Variants in FGF12 observed in about 807,000 individuals in gnomAD.
FGF12 encodes fibroblast growth factor 12.
A neutral mutation model predicts 23.6 loss-of-function variants in FGF12; 14 were observed. The ratio of observed to expected loss-of-function variants is 0.59; its 90% CI spans 0.39 to 0.93. The LOEUF is 0.93. FGF12 is among the 40% of genes least tolerant of loss of function. The pLI is 0.00. For synonymous variants in FGF12, 62 were observed against 77.3 expected, an observed-to-expected ratio of 0.80 and a Z score of 1.04; for missense variants, 175 against 217.8, an observed-to-expected ratio of 0.80 and a Z score of 1.24.
intron 2 of FGF12, among the ~76,000 whole-genome samples, chr3:192,549,262 G>T (rs1416761435): frequency 6.6e-6 from 1 of 152,058 alleles, no homozygotes; most frequent in East Asian, 1.9e-4. Context: ...CTAAACGATG[G>T]CAAATGCAGT....
At chr3:192,162,153 A>C (rs1436465541) in intron 5 of FGF12, among the ~76,000 whole-genome samples, 1 of 152,140 alleles carries the variant, frequency 6.6e-6, no homozygotes, top group African/African-American at 2.4e-5. Flanking sequence ...TAGTTAATGC[A>C]CCATTGAAGA....
intron 2 of FGF12, among the ~76,000 whole-genome samples, chr3:192,667,564 C>T (rs1577109753): frequency 7.1e-6 from 1 of 140,834 alleles, no homozygotes; most frequent in African/African-American, 2.7e-5. Context: ...GAGCCGAGAT[C>T]GCTGCCACTG....
At chr3:192,361,990 T>C (rs1718749180) in intron 2 of FGF12, among the ~76,000 whole-genome samples, 1 of 152,208 alleles carries the variant, frequency 6.6e-6, no homozygotes, top group Non-Finnish European at 1.5e-5. Context: ...ATAAATTCCG[T>C]TTTTTAAATT....
At chr3:192,596,783 G>C (rs1241450972) in intron 2 of FGF12, among the ~76,000 whole-genome samples, 3 of 152,176 alleles carry the variant, frequency 2.0e-5, no homozygotes, top group African/African-American at 7.2e-5. Context: ...TTTACACACG[G>C]CAGCTTTGCA....
intron 2 of FGF12, among the ~76,000 whole-genome samples, chr3:192,387,600 C>A (rs1336547022): frequency 6.6e-6 from 1 of 151,830 alleles, no homozygotes; most frequent in South Asian, 2.1e-4. Flanking sequence ...GTAATCCCAG[C>A]ACTTTAGGAG....
chr3:192,437,181 G>A lies in FGF12; in HGVS notation c.14-76643C>T, dbSNP rs189052992. Among the ~76,000 whole-genome samples, 316 of 152,220 alleles carry A rather than the reference G, an allele frequency of 2.1e-3. 1 individual carries two copies. The highest frequency in any genetic ancestry group is 3.5e-3 in the Non-Finnish European group (235 of 68,020). ...AAAATGGAGGAAATAAAAGGCTAGC[G>A]ACTAGAGGAAGTGCCTGTGATAGGA... On this transcript the variant is annotated intron_variant, in intron 2 of 5. Coordinates refer to ENST00000445105, the MANE Select transcript of FGF12 (RefSeq NM_004113.6).
chr3:192,549,628 T>A (rs1019546266), intron 2 of FGF12, among the ~76,000 whole-genome samples: 3 of 152,170 alleles, frequency 2.0e-5, no homozygotes, highest in East Asian at 3.9e-4. Flanking sequence ...TGTTTCTAGA[T>A]GAGACTCACA....
At chr3:192,662,540 AG>A (rs760130386) in intron 2 of FGF12, among the ~76,000 whole-genome samples, 1 of 152,186 alleles carries the variant, frequency 6.6e-6, no homozygotes, top group Non-Finnish European at 1.5e-5. Flanking sequence ...TCCATAGGCT[AG>A]GAGGTCTGAC....
At chr3:192,307,618 A>G (rs1341258943) in intron 4 of FGF12, among the ~76,000 whole-genome samples, 1 of 152,230 alleles carries the variant, frequency 6.6e-6, no homozygotes, top group African/African-American at 2.4e-5. Context: ...ATAACAGTTT[A>G]CTGTTAGGGG....
chr3:192,472,207 G>A lies in FGF12; in HGVS notation c.14-111669C>T, dbSNP rs371880744. Among the ~76,000 whole-genome samples, 305 of 152,122 alleles carry A rather than the reference G, an allele frequency of 2.0e-3. 1 individual carries two copies. The highest frequency in any genetic ancestry group is 3.4e-3 in the Middle Eastern group (1 of 294). On this transcript the variant is annotated intron_variant, in intron 2 of 5. Coordinates refer to ENST00000445105, the MANE Select transcript of FGF12 (RefSeq NM_004113.6). ...AATTTTATGCATTTTTAGTAGAGAC[G>A]GGGTTTCACCATGTTGGCCAGGATG... is the stretch of plus-strand genomic sequence containing the variant.
chr3:192,588,233 C>A (rs1356279871), intron 2 of FGF12, among the ~76,000 whole-genome samples: 12 of 150,188 alleles, frequency 8.0e-5, no homozygotes, highest in Non-Finnish European at 1.8e-4. Context: ...TCCTGTAGTC[C>A]CAGCTACTCG....
chr3:192,305,424 TTCTC>T (rs1391730142), intron 4 of FGF12, among the ~76,000 whole-genome samples: 2 of 151,982 alleles, frequency 1.3e-5, no homozygotes, highest in Non-Finnish European at 2.9e-5. Context: ...GAGCTGCCCT[TTCTC>T]TATATACCTC....
chr3:192,388,215 C>T (rs1002108064), intron 2 of FGF12, among the ~76,000 whole-genome samples: 1 of 151,860 alleles, frequency 6.6e-6, no homozygotes, highest in Non-Finnish European at 1.5e-5. Context: ...GAGCTGCGAT[C>T]GGACTGTTGT....
chr3:192,370,633 T>C (rs561386477), intron 2 of FGF12, among the ~76,000 whole-genome samples: 5 of 152,242 alleles, frequency 3.3e-5, no homozygotes, highest in African/African-American at 7.2e-5. Context: ...ATGGGAAAAT[T>C]TGGAAGGATT....
At chr3:192,540,072 A>G (rs954141831) in intron 2 of FGF12, among the ~76,000 whole-genome samples, 1 of 151,018 alleles carries the variant, frequency 6.6e-6, no homozygotes, top group Non-Finnish European at 1.5e-5. Context: ...TCTCAATTTT[A>G]TTTATCTTTT....
intron 2 of FGF12, among the ~76,000 whole-genome samples, chr3:192,370,938 G>A (rs1214498535): frequency 6.6e-6 from 1 of 152,228 alleles, no homozygotes; most frequent in Non-Finnish European, 1.5e-5. Context: ...TAATGAAAGT[G>A]TGGGTGAAGA....
intron 5 of FGF12, among the ~76,000 whole-genome samples, chr3:192,167,977 G>C (rs935851412): frequency 1.3e-5 from 2 of 151,204 alleles, no homozygotes; most frequent in Admixed American, 1.3e-4. Flanking sequence ...ATGTTGGTCA[G>C]GCTGATCTCA....
At chr3:192,588,864 G>C (rs1385492055) in intron 2 of FGF12, among the ~76,000 whole-genome samples, 1 of 150,948 alleles carries the variant, frequency 6.6e-6, no homozygotes, top group East Asian at 1.9e-4. Flanking sequence ...GTTTGTTCTA[G>C]AGAGTAAAAG....
chr3:192,657,954 C>T (rs556029857), intron 2 of FGF12, among the ~76,000 whole-genome samples: 1 of 148,068 alleles, frequency 6.8e-6, no homozygotes, highest in East Asian at 2.0e-4. Context: ...TATATTTCTG[C>T]AATGAGTACC....
Sources: gnomAD v4.1 joint callset for allele counts (sites outside exome capture counted in the v4.1 genomes callset) on GRCh38, gnomAD v4.1.1 for gene constraint, MANE v1.5 for transcripts, NCBI Gene and HGNC (gene_info 2026-07-23, HGNC 2026-07-21) for gene names.